The following UMAD1 variants were observed in gnomAD, a reference collection of about 807,000 sequenced individuals.
UMAD1 encodes the protein UBAP1-MVB12-associated (UMA)-domain containing protein 1.
In UMAD1, 8 loss-of-function variants were observed where a neutral mutation model predicts 6.1. That is an observed-to-expected ratio of 1.30 (90% confidence interval 0.76 to 2.35). The LOEUF (loss-of-function observed/expected upper bound fraction) is 2.35. Among genes scored for constraint, UMAD1 ranks in the 30% most tolerant of loss-of-function variants. The pLI, the probability that UMAD1 is intolerant of heterozygous loss-of-function variation, is 0.00. For missense variants in UMAD1, 130 were observed against 78.4 expected (o/e 1.66, Z -2.49); for synonymous variants, 56 against 31.4 (o/e 1.78, Z -2.61).
At chr7:7,680,441 G>C (rs958210713) in intron 2 of UMAD1, among the ~76,000 whole-genome samples, 5 of 152,040 alleles carry the variant, frequency 3.3e-5, no homozygotes, top group Non-Finnish European at 5.9e-5. Flanking sequence ...AGTTACTATA[G>C]CTTTTTAGTA....
chr7:7,670,596 A>G (rs1284555352), intron 1 of UMAD1, among the ~76,000 whole-genome samples: 1 of 152,130 alleles, frequency 6.6e-6, no homozygotes, highest in Non-Finnish European at 1.5e-5. Flanking sequence ...AGTCTGTCTC[A>G]TTGCCCCATT....
At chr7:7,712,770 A>C (rs1780799516) in intron 2 of UMAD1, among the ~76,000 whole-genome samples, 1 of 152,170 alleles carries the variant, frequency 6.6e-6, no homozygotes. Flanking sequence ...GAATGCTTAT[A>C]ATGTTTGCAA....
intron 1 of UMAD1, among the ~76,000 whole-genome samples, chr7:7,648,063 G>A (rs1294125153): frequency 6.6e-6 from 1 of 152,178 alleles, no homozygotes; most frequent in African/African-American, 2.4e-5. Context: ...TTCTTTTGTA[G>A]CTTAGCTGAC....
rs1780640498 is a variant in UMAD1, at chr7:7,707,676, A to G, written c.82+34223A>G. On this transcript the variant is annotated intron_variant, in intron 2 of 3. Coordinates refer to ENST00000682710, the MANE Select transcript of UMAD1 (RefSeq NM_001302348.2). ...ACCTCTTTAGTTTTCTGTGATCCAA[A>G]ATCTGGCTTAATTTTGCCTTAAAGC... 2.0e-5 allele frequency among the ~76,000 whole-genome samples: 3 copies of G among 152,190 alleles called. No homozygotes were observed. In the South Asian group the frequency reaches 6.2e-4, roughly 32 times the overall value.
chr7:7,848,669 G>A (rs893314938), intron 3 of UMAD1, among the ~76,000 whole-genome samples: 1 of 152,088 alleles, frequency 6.6e-6, no homozygotes, highest in Admixed American at 6.6e-5. Context: ...CCTGGAAGGT[G>A]ACACAGGGGT....
intron 2 of UMAD1, among the ~76,000 whole-genome samples, chr7:7,748,629 A>G (rs945897129): frequency 6.6e-6 from 1 of 152,118 alleles, no homozygotes; most frequent in African/African-American, 2.4e-5. Flanking sequence ...TAATATAATC[A>G]TAATGCCGAT....
chr7:7,776,335 G>A (rs1782207166), intron 2 of UMAD1, among the ~76,000 whole-genome samples: 1 of 152,116 alleles, frequency 6.6e-6, no homozygotes, highest in East Asian at 1.9e-4. Flanking sequence ...TCAATATGGG[G>A]AATGAGAGTG....
intron 3 of UMAD1, among the ~76,000 whole-genome samples, chr7:7,836,668 A>T (rs1277211235): frequency 6.6e-6 from 1 of 152,010 alleles, no homozygotes; most frequent in Non-Finnish European, 1.5e-5. Flanking sequence ...AGAATTAAAA[A>T]TTAAGTGTAT....
At chr7:7,715,481 T>C (rs1428231009) in intron 2 of UMAD1, among the ~76,000 whole-genome samples, 2 of 152,230 alleles carry the variant, frequency 1.3e-5, no homozygotes, top group South Asian at 2.1e-4. Flanking sequence ...AATGCTTCCA[T>C]GAAATTATAT....
intron 2 of UMAD1, among the ~76,000 whole-genome samples, chr7:7,767,184 G>A (rs111394936): frequency 0.054 from 7,918 of 146,906 alleles, 297 homozygotes; most frequent in Non-Finnish European, 0.073. Flanking sequence ...GAGTGCAGTG[G>A]CACAATCTCG....
intron 2 of UMAD1, among the ~76,000 whole-genome samples, chr7:7,765,945 C>T (rs1279099723): frequency 6.6e-6 from 1 of 151,944 alleles, no homozygotes; most frequent in East Asian, 1.9e-4. Flanking sequence ...CAAAGTAGTC[C>T]TTGTATATAT....
chr7:7,687,413 C>T (rs949854889), intron 2 of UMAD1: 2 of 152,256 alleles, frequency 1.3e-5, no homozygotes, highest in African/African-American at 2.4e-5. Context: ...GAGAATGATT[C>T]TGAGGTAGCA....
intron 2 of UMAD1, among the ~76,000 whole-genome samples, chr7:7,728,379 C>T (rs534203684): frequency 6.6e-6 from 1 of 152,304 alleles, no homozygotes; most frequent in South Asian, 2.1e-4. Context: ...GGCACAGTGG[C>T]TCACACCTGT....
At chr7:7,665,891 G>A (rs1309269177) in intron 1 of UMAD1, among the ~76,000 whole-genome samples, 3 of 148,916 alleles carry the variant, frequency 2.0e-5, no homozygotes, top group Admixed American at 6.7e-5. Flanking sequence ...TTTTACTACC[G>A]AATGGGATGC....
intron 3 of UMAD1, among the ~76,000 whole-genome samples, chr7:7,829,356 A>G (rs1583856589): frequency 6.6e-6 from 1 of 152,192 alleles, no homozygotes. Flanking sequence ...GTTTGACTTT[A>G]ATTCTTGAAT....
chr7:7,712,607 G>A (rs1331664905), intron 2 of UMAD1, among the ~76,000 whole-genome samples: 2 of 152,114 alleles, frequency 1.3e-5, no homozygotes, highest in South Asian at 4.2e-4. Flanking sequence ...TTCTAAGTAC[G>A]TAATTATAAC....
At chr7:7,708,595 T>C (rs1780668303) in intron 2 of UMAD1, among the ~76,000 whole-genome samples, 1 of 152,214 alleles carries the variant, frequency 6.6e-6, no homozygotes, top group Non-Finnish European at 1.5e-5. Flanking sequence ...TAAGTCAACA[T>C]ATTTGTCCTT....
chr7:7,675,745 T>G (rs1042370040), intron 2 of UMAD1, among the ~76,000 whole-genome samples: 2 of 152,156 alleles, frequency 1.3e-5, no homozygotes, highest in African/African-American at 4.8e-5. Flanking sequence ...AGTTGAACAG[T>G]CATGGTGAGG....
chr7:7,677,207 A>T (rs1009930193), intron 2 of UMAD1, among the ~76,000 whole-genome samples: 1 of 152,190 alleles, frequency 6.6e-6, no homozygotes, highest in African/African-American at 2.4e-5. Context: ...CAGGGTAATT[A>T]GGATATCTAT....
Sources: gnomAD v4.1 joint callset for allele counts (sites outside exome capture counted in the v4.1 genomes callset) on GRCh38, gnomAD v4.1.1 for gene constraint, MANE v1.5 for transcripts, NCBI Gene and HGNC (gene_info 2026-07-23, HGNC 2026-07-21) for gene names.